MRPS6: variants seen among roughly 807,000 people sequenced by gnomAD.
The protein encoded by MRPS6 is mitochondrial ribosomal protein S6, also known as small ribosomal subunit protein bS6m.
Under a neutral mutation model 13.1 loss-of-function variants are expected in MRPS6, and 6 were observed. That is an observed-to-expected ratio of 0.46 (90% CI 0.25 to 0.91). MRPS6 has a LOEUF of 0.91. MRPS6 is among the 40% of genes least tolerant of loss of function. The pLI, the probability that MRPS6 is intolerant of heterozygous loss-of-function variation, is 0.18. For missense variants in MRPS6, 164 were observed against 155.6 expected, an observed-to-expected ratio of 1.05 and a Z score of -0.29; for synonymous variants, 61 against 56.5, an observed-to-expected ratio of 1.08 and a Z score of -0.36.
At chr21:34,073,784 GC>G in intron 1 of MRPS6, 39 bp downstream of exon 1, 16 of 1,434,362 alleles carry the variant, frequency 1.1e-5, no homozygotes, top group Non-Finnish European at 1.4e-5. Flanking sequence ...TCCCGCGCGG[GC>G]GCCCCCGCTG....
At chr21:34,081,533 C>A (rs1989459041) in intron 1 of MRPS6, among the ~76,000 whole-genome samples, 1 of 152,020 alleles carries the variant, frequency 6.6e-6, no homozygotes, top group African/African-American at 2.4e-5. Flanking sequence ...GATGTGTTAC[C>A]ATAGAATAAA....
chr21:34,101,442 A>T, intron 1 of MRPS6: 1 of 1,000,186 alleles, frequency 1.0e-6, no homozygotes, highest in Non-Finnish European at 1.2e-6. Context: ...TGCATTAGCC[A>T]GATGCTAGGT....
chr21:34,125,518 T>TAGGCTC (rs1201753085), intron 2 of MRPS6, 38 bp downstream of exon 2: 2 of 1,610,562 alleles, frequency 1.2e-6, no homozygotes, highest in South Asian at 2.2e-5. Context: ...ACGTTTTTGA[T>TAGGCTC]AGGCTCAGTA....
At chr21:34,116,733 G>C (rs1042423268) in intron 1 of MRPS6, among the ~76,000 whole-genome samples, 4 of 152,074 alleles carry the variant, frequency 2.6e-5, no homozygotes, top group African/African-American at 9.7e-5. Flanking sequence ...TTTATTCAGT[G>C]CCGGCACAAT....
intron 2 of MRPS6, among the ~76,000 whole-genome samples, chr21:34,127,024 G>C (rs375619237): frequency 1.8e-4 from 28 of 152,276 alleles, no homozygotes; most frequent in African/African-American, 6.3e-4. Flanking sequence ...AGCCCACTGG[G>C]ACCAAGCCAG....
chr21:34,099,697 CATAAGGT>C (rs1370530685), intron 1 of MRPS6: 1 of 997,748 alleles, frequency 1.0e-6, no homozygotes, highest in Non-Finnish European at 1.2e-6. Context: ...TAGTAAGATA[CATAAGGT>C]ACATCATCTT....
intron 1 of MRPS6, among the ~76,000 whole-genome samples, chr21:34,107,717 A>G (rs1345233057): frequency 1.3e-5 from 2 of 152,138 alleles, no homozygotes; most frequent in Non-Finnish European, 1.5e-5. Context: ...TCAGTGAGTT[A>G]TTATTCATTA....
intron 1 of MRPS6, among the ~76,000 whole-genome samples, chr21:34,083,793 A>G (rs1446480936): frequency 1.3e-5 from 2 of 152,170 alleles, no homozygotes; most frequent in Admixed American, 1.3e-4. Context: ...AGATTTTGCA[A>G]ATTTTGTGTG....
At chr21:34,080,857 C>T (rs932669244) in intron 1 of MRPS6, among the ~76,000 whole-genome samples, 12 of 152,324 alleles carry the variant, frequency 7.9e-5, no homozygotes, top group Middle Eastern at 6.8e-3. Context: ...GTGTTGACCT[C>T]GTGCTAGTAG....
chr21:34,093,569 G>A (rs1978816013), intron 1 of MRPS6, among the ~76,000 whole-genome samples: 1 of 151,790 alleles, frequency 6.6e-6, no homozygotes, highest in Admixed American at 6.6e-5. Flanking sequence ...GACTTAAAAG[G>A]AAAATGCCTA....
chr21:34,118,541 A>ATTTC (rs754297980), intron 1 of MRPS6, among the ~76,000 whole-genome samples: 9,289 of 138,054 alleles, frequency 0.067, 1,188 homozygotes, highest in African/African-American at 0.24. Flanking sequence ...GTTACTCCAC[A>ATTTC]TTTCTTTCTT....
At chr21:34,121,028 T>G (rs1405362949) in intron 1 of MRPS6, among the ~76,000 whole-genome samples, 1 of 140,614 alleles carries the variant, frequency 7.1e-6, no homozygotes, top group Middle Eastern at 3.4e-3. Flanking sequence ...ACCTGTTCGA[T>G]GAGTGTGGCC....
intron 2 of MRPS6, among the ~76,000 whole-genome samples, chr21:34,137,902 A>AT (rs1206609603): frequency 2.6e-5 from 4 of 151,216 alleles, no homozygotes; most frequent in South Asian, 4.2e-4. Flanking sequence ...TTTGAATTAC[A>AT]TTTTTTTTCA....
At chr21:34,106,785 A>G (rs1436571763) in intron 1 of MRPS6, among the ~76,000 whole-genome samples, 1 of 152,258 alleles carries the variant, frequency 6.6e-6, no homozygotes, top group Non-Finnish European at 1.5e-5. Context: ...TCAAAAGACT[A>G]TTCAGATATT....
chr21:34,117,394 A>G (rs1979963156), intron 1 of MRPS6, among the ~76,000 whole-genome samples: 3 of 152,120 alleles, frequency 2.0e-5, no homozygotes, highest in East Asian at 1.9e-4. Context: ...GCTTTCTTCA[A>G]CCAACCAGTT....
At chr21:34,116,422 T>C (rs986958915) in intron 1 of MRPS6, among the ~76,000 whole-genome samples, 3 of 151,932 alleles carry the variant, frequency 2.0e-5, no homozygotes, top group African/African-American at 7.3e-5. Context: ...TTGGTGGATT[T>C]TTAAATGGTT....
chr21:34,104,563 T>C, intron 1 of MRPS6: 1 of 999,044 alleles, frequency 1.0e-6, no homozygotes, highest in South Asian at 4.7e-5. Flanking sequence ...AGACTATATC[T>C]GGTGTAGACT....
chr21:34,135,680 C>G, intron 2 of MRPS6: 1 of 383,508 alleles, frequency 2.6e-6, no homozygotes, highest in South Asian at 2.3e-5. Context: ...GTGGAGTCCT[C>G]CTGGGGACCA....
Position 34,132,905 on chromosome 21 carries a change from T to G in MRPS6, c.185+7425T>G, listed in dbSNP as rs373084048. Among the ~76,000 whole-genome samples the G allele has an allele frequency of 1.6e-4, 24 of 152,330 alleles. No homozygotes were observed. The East Asian group carries it at 1.9e-3, about 12-fold the overall frequency. ...GTGACCACTTCATAGCTGAGTGACCTTGGGCTAATGACTTAACCTTTTTGA... is the reference window on the plus strand; with the variant it reads ...GTGACCACTTCATAGCTGAGTGACCGTGGGCTAATGACTTAACCTTTTTGA... On this transcript the variant is annotated intron_variant, in intron 2 of 2. Transcript: ENST00000399312.
Sources: allele counts gnomAD v4.1 joint callset (sites outside exome capture counted in the v4.1 genomes callset), GRCh38; gene constraint gnomAD v4.1.1; transcripts MANE v1.5; gene names NCBI Gene and HGNC (gene_info 2026-07-23, HGNC 2026-07-21).